Variants in TRPM8 observed in about 807,000 individuals in gnomAD.
TRPM8 encodes TRPM8 cationic channel.
TRPM8 carries 110 observed loss-of-function variants against 133.7 expected under a neutral mutation model. The observed-to-expected ratio is 0.82, with a 90% confidence interval of 0.70 to 0.96. The LOEUF (loss-of-function observed/expected upper bound fraction) is 0.96, where lower values mean the gene tolerates loss of function less well. Ranked by LOEUF, TRPM8 falls within the 40% of genes least tolerant of loss-of-function variation. The pLI, the probability that TRPM8 is intolerant of heterozygous loss-of-function variation, is 0.00. For synonymous variants in TRPM8, 535 were observed against 532.3 expected (o/e 1.01, Z -0.07); for missense variants, 1,291 against 1,379.5 (o/e 0.94, Z 1.02).
At chr2:233,967,508 T>A (rs545146629) in intron 15 of TRPM8, among the ~76,000 whole-genome samples, 2 of 152,328 alleles carry the variant, frequency 1.3e-5, no homozygotes, top group South Asian at 4.1e-4. Flanking sequence ...CTGAGGAGGA[T>A]GCAGGAGCTC....
At chr2:233,947,256 T>C in intron 8 of TRPM8, 101 bp downstream of exon 8, 1 of 1,568,752 alleles carries the variant, frequency 6.4e-7, no homozygotes, top group Admixed American at 1.9e-5. Context: ...CTAATTGATT[T>C]TACTGCAGCA....
chr2:233,945,264 T>C (rs568676129), intron 6 of TRPM8, among the ~76,000 whole-genome samples: 1 of 152,376 alleles, frequency 6.6e-6, no homozygotes, highest in East Asian at 1.9e-4. Flanking sequence ...CCTTTCTTTA[T>C]GTTCCTGAAG....
chr2:233,967,818 G>A (rs986641076), intron 15 of TRPM8, among the ~76,000 whole-genome samples: 4 of 152,080 alleles, frequency 2.6e-5, no homozygotes, highest in Non-Finnish European at 4.4e-5. Context: ...GGAGGCTGGG[G>A]TGGCTTCCCA....
chr2:233,966,681 T>C lies in TRPM8; in HGVS notation c.1951T>C (p.Trp651Arg). 1 of 1,613,814 alleles carries C rather than the reference T, an allele frequency of 6.2e-7. No individual in the cohort carries two copies. ...GCTGCTGGTCTATTCCTGTGAAGCTTGGGGTGGAAGCAACTGTCTGGAGCT... is the reference window on the plus strand; with the variant it reads ...GCTGCTGGTCTATTCCTGTGAAGCTCGGGGTGGAAGCAACTGTCTGGAGCT... The part of the protein sequence containing the change: ...EQLLVYSCEA[W>R]GGSNCLELAV... Residue 651 changes from tryptophan (W) to arginine (R), a missense_variant, in exon 15 of 26, where the codon TGG becomes CGG. By Grantham distance (101) the Trp-to-Arg change is moderately radical. Around this residue, in one of 2 missense-constraint regions of TRPM8, gnomAD observed 963 missense variants for 968.9 expected, o/e 0.99. Coordinates refer to ENST00000324695, the MANE Select transcript of TRPM8 (RefSeq NM_024080.5).
intron 20 of TRPM8, 52 bp downstream of exon 20, chr2:233,983,276 C>A: frequency 6.2e-7 from 1 of 1,608,600 alleles, no homozygotes; most frequent in South Asian, 1.1e-5. Context: ...CATTTGCTCC[C>A]TGAACCAACC....
At chr2:233,966,784 C>A (rs202023636) in intron 15 of TRPM8, 29 bp downstream of exon 15, 2 of 1,492,454 alleles carry the variant, frequency 1.3e-6, no homozygotes, top group Non-Finnish European at 9.0e-7. Context: ...CCAGACCACA[C>A]GGCCAGAAAT....
intron 5 of TRPM8, 91 bp from the exon 6 acceptor site, chr2:233,942,485 G>A (rs1690933813): frequency 1.6e-6 from 2 of 1,287,494 alleles, no homozygotes; most frequent in South Asian, 2.4e-5. Flanking sequence ...ATGCCTACAG[G>A]GATGGGGCCT....
chr2:233,973,640 T>C (rs1412671292), intron 17 of TRPM8, among the ~76,000 whole-genome samples: 1 of 152,224 alleles, frequency 6.6e-6, no homozygotes, highest in Non-Finnish European at 1.5e-5. Context: ...AGGACTTCCA[T>C]GTTTGAATCT....
chr2:233,958,385 G>A (rs755305145), intron 11 of TRPM8, among the ~76,000 whole-genome samples: 10 of 152,296 alleles, frequency 6.6e-5, no homozygotes, highest in Non-Finnish European at 1.5e-4. Context: ...CTTCTCATAT[G>A]CTGGTGGTTC....
At chr2:233,995,430 C>T (rs1374678966) in intron 21 of TRPM8, among the ~76,000 whole-genome samples, 1 of 152,216 alleles carries the variant, frequency 6.6e-6, no homozygotes, top group East Asian at 1.9e-4. Flanking sequence ...AATTCATACT[C>T]ATTGCCTCAT....
At chr2:233,972,360 A>G (rs908651882) in intron 17 of TRPM8, among the ~76,000 whole-genome samples, 15 of 152,258 alleles carry the variant, frequency 9.9e-5, no homozygotes, top group Non-Finnish European at 2.9e-5. Flanking sequence ...GCTAGACATA[A>G]AGTTTCTCCA....
intron 16 of TRPM8, 22 bp downstream of exon 16, chr2:233,969,829 CGTGTGTGA>C (rs758905594): frequency 6.8e-7 from 1 of 1,460,322 alleles, no homozygotes; most frequent in Non-Finnish European, 9.6e-7. Context: ...GGCACATAAT[CGTGTGTGA>C]GTGTGTGTGC....
intron 22 of TRPM8, among the ~76,000 whole-genome samples, chr2:234,003,061 A>G (rs1308777168): frequency 2.0e-5 from 3 of 152,190 alleles, no homozygotes; most frequent in Non-Finnish European, 2.9e-5. Flanking sequence ...TAACTTGCCA[A>G]GAAGCATCGT....
intron 7 of TRPM8, 51 bp from the exon 8 acceptor site, chr2:233,947,037 G>A (rs1190186978): frequency 5.8e-6 from 9 of 1,555,114 alleles, no homozygotes; most frequent in Non-Finnish European, 7.1e-6. Flanking sequence ...ACAGAGGTAG[G>A]TGAGTATTTC....
intron 11 of TRPM8, among the ~76,000 whole-genome samples, chr2:233,956,082 T>C (rs1351166990): frequency 6.6e-6 from 1 of 151,878 alleles, no homozygotes; most frequent in Admixed American, 6.6e-5. Context: ...TTATGGAGAG[T>C]AGTATAATTA....
At chr2:234,005,927 TACACAC>T (rs35379195) in intron 22 of TRPM8, among the ~76,000 whole-genome samples, 69 of 136,072 alleles carry the variant, frequency 5.1e-4, no homozygotes, top group Middle Eastern at 3.6e-3. Context: ...AAACGTCATC[TACACAC>T]ACACACACAC....
intron 22 of TRPM8, 63 bp downstream of exon 22, chr2:233,996,579 C>A: frequency 7.0e-7 from 1 of 1,428,070 alleles, no homozygotes; most frequent in South Asian, 1.2e-5. Flanking sequence ...GGAAGGATGC[C>A]TGGTGTGTAT....
rs551990197 is a variant in TRPM8 at position 234,003,069 on chromosome 2, C to T, written c.3131-3784C>T. On this transcript the variant is annotated intron_variant, in intron 22 of 25. Coordinates refer to ENST00000324695, the MANE Select transcript of TRPM8 (RefSeq NM_024080.5). ...AAAAATTTAACTTGCCAAGAAGCAT[C>T]GTTTTTTGTGGGGTTCTTGAACTAC... is the stretch of plus-strand genomic sequence containing the variant. Among the ~76,000 whole-genome samples the T allele has an allele frequency of 3.9e-5, 6 of 152,214 alleles. No homozygotes were observed. The East Asian group carries it at 7.7e-4, about 20-fold the overall frequency.
chr2:234,011,504 C>A (rs1445505693), intron 24 of TRPM8, among the ~76,000 whole-genome samples: 11 of 152,034 alleles, frequency 7.2e-5, no homozygotes, highest in Non-Finnish European at 1.5e-5. Context: ...AAAAAAAGCT[C>A]ATGGAATTTT....
Sources: allele counts gnomAD v4.1 joint callset (sites outside exome capture counted in the v4.1 genomes callset), GRCh38; gene constraint gnomAD v4.1.1; regional missense constraint gnomAD v4.1.1; transcripts MANE v1.5; gene names NCBI Gene and HGNC (gene_info 2026-07-23, HGNC 2026-07-21).